RTN1: variants seen among roughly 807,000 people sequenced by gnomAD.
The protein encoded by RTN1 is reticulon 1, also known as reticulon-1.
In RTN1, 25 loss-of-function variants were observed where a neutral mutation model predicts 65.5. The ratio of observed to expected loss-of-function variants is 0.38; its 90% CI spans 0.28 to 0.53. RTN1 has a LOEUF of 0.53. Ranked by LOEUF, RTN1 falls within the 20% of genes least tolerant of loss-of-function variation. RTN1 has a pLI of 0.79. For missense variants in RTN1, 983 were observed against 1,025.4 expected, an observed-to-expected ratio of 0.96 and a Z score of 0.57; for synonymous variants, 471 against 447.6, an observed-to-expected ratio of 1.05 and a Z score of -0.66.
chr14:59,849,638 C>T lies in RTN1; in HGVS notation c.241+20752G>A, dbSNP rs1361564980. ...TGAGAAAGCTTTGGGTGGCCCTGTA[C>T]AGAACCCCAAGAATGGCTCCTACTC... is the stretch of plus-strand genomic sequence containing the variant. On this transcript the variant is annotated intron_variant, in intron 1 of 8. Coordinates refer to ENST00000267484, the MANE Select transcript of RTN1 (RefSeq NM_021136.3). This position sits in a 1 kb window ranked among gnomAD's most constrained non-coding sequence, Gnocchi z 4.5. Among the ~76,000 whole-genome samples the T allele has an allele frequency of 2.6e-5, 4 of 152,154 alleles. No individual in the cohort carries two copies. The highest frequency in any genetic ancestry group is 1.3e-4 in the Admixed American group (2 of 15,276).
At chr14:59,733,957 C>T (rs1884954400) in intron 2 of RTN1, among the ~76,000 whole-genome samples, 1 of 152,156 alleles carries the variant, frequency 6.6e-6, no homozygotes, top group South Asian at 2.1e-4. Flanking sequence ...CCAGGGTCTC[C>T]AGCCACCACC....
At chr14:59,689,112 A>T (rs147692056) in intron 3 of RTN1, among the ~76,000 whole-genome samples, 235 of 152,090 alleles carry the variant, frequency 1.5e-3, no homozygotes, top group African/African-American at 5.3e-3. Context: ...TAAATATCTT[A>T]AAAAAAACCA....
chr14:59,839,668 G>A (rs1312276631), intron 1 of RTN1, among the ~76,000 whole-genome samples: 9 of 152,068 alleles, frequency 5.9e-5, no homozygotes, highest in African/African-American at 4.8e-5. Context: ...TAAATCAAAA[G>A]TAATTCAAAA....
chr14:59,694,957 A>T (rs561007677), intron 3 of RTN1, among the ~76,000 whole-genome samples: 50 of 152,256 alleles, frequency 3.3e-4, no homozygotes, highest in African/African-American at 1.2e-3. Context: ...TGTGTAGGAA[A>T]AGTGGGCAGC....
chr14:59,668,844 A>G (rs1486247120), intron 3 of RTN1, among the ~76,000 whole-genome samples: 1 of 152,244 alleles, frequency 6.6e-6, no homozygotes, highest in African/African-American at 2.4e-5. Flanking sequence ...GCCAGTAGAC[A>G]CATGAAAAAA....
chr14:59,793,128 A>G (rs948469593), intron 1 of RTN1, among the ~76,000 whole-genome samples: 1 of 152,214 alleles, frequency 6.6e-6, no homozygotes, highest in Non-Finnish European at 1.5e-5. Context: ...AAATCTGAAG[A>G]ACATACATCA....
intron 1 of RTN1, among the ~76,000 whole-genome samples, chr14:59,785,991 G>A (rs968905632): frequency 1.3e-5 from 2 of 152,148 alleles, no homozygotes; most frequent in Admixed American, 6.6e-5. Flanking sequence ...AAGTCTCTGT[G>A]CTTTCTCATT....
Position 59,780,498 on chromosome 14 carries a change from C to T in RTN1, c.242-34017G>A, listed in dbSNP as rs368576788. 1.1e-4 allele frequency among the ~76,000 whole-genome samples: 17 copies of T among 152,170 alleles called. No homozygotes were observed. In the South Asian group the frequency reaches 2.3e-3, roughly 20 times the overall value. ...CATTACCTAATGGTGCCAACCATTC[C>T]GGAGGAAGTCAAAGCTGGTGGTTAT... On this transcript the variant is annotated intron_variant, in intron 1 of 8. Transcript: ENST00000267484.
intron 1 of RTN1, among the ~76,000 whole-genome samples, chr14:59,752,799 A>T (rs561225907): frequency 6.6e-6 from 1 of 152,240 alleles, no homozygotes. Flanking sequence ...AGAACAAGCT[A>T]TGACTAATTA....
Position 59,749,298 on chromosome 14 carries a change from CTATATATATCTATATATATATCTA to C in RTN1, c.242-2841_242-2818del, listed in dbSNP as rs1594720096. On this transcript the variant is annotated intron_variant, in intron 1 of 8. Coordinates refer to ENST00000267484, the MANE Select transcript of RTN1 (RefSeq NM_021136.3). ...TATATCTATATATATCTATATATAT[CTATATATATCTATATATATATCTA>C]TATATCTATATATATCTATATATAT... is the stretch of plus-strand genomic sequence containing the variant. Among the ~76,000 whole-genome samples, 2 of 26,686 alleles carry C rather than the reference CTATATATATCTATATATATATCTA, an allele frequency of 7.5e-5. 1 individual carries two copies. Among genetic ancestry groups the C allele is most frequent in the Non-Finnish European group, 1.1e-4 (2 of 17,664 alleles). The allele number at this position is 26,686 out of a possible 152,430, so 17.5% of individuals were successfully genotyped here. A position where few individuals can be genotyped will look rare whatever the true frequency, so the allele number is the denominator to read the frequency against.
At chr14:59,777,466 A>C (rs944838347) in intron 1 of RTN1, among the ~76,000 whole-genome samples, 4 of 152,176 alleles carry the variant, frequency 2.6e-5, no homozygotes, top group Non-Finnish European at 5.9e-5. Flanking sequence ...GTGTGTGCTG[A>C]TCATGAGTGG....
rs76293216 is a variant in RTN1 at position 59,751,251 on chromosome 14, A to T, written c.242-4770T>A. Among the ~76,000 whole-genome samples, 27 of 150,442 alleles carry T rather than the reference A, an allele frequency of 1.8e-4. No homozygotes were observed. In the East Asian group the frequency reaches 4.1e-3, roughly 23 times the overall value. On this transcript the variant is annotated intron_variant, in intron 1 of 8. Coordinates refer to ENST00000267484, the MANE Select transcript of RTN1 (RefSeq NM_021136.3). ...CCCCTCTTTTAAAGTTAGACCAAAA[A>T]ATCTCAGTAACAAAAGGAATAATAC...
intron 3 of RTN1, among the ~76,000 whole-genome samples, chr14:59,672,359 G>T (rs1048688102): frequency 6.6e-6 from 1 of 152,150 alleles, no homozygotes; most frequent in Non-Finnish European, 1.5e-5. Flanking sequence ...TGTTACTCCA[G>T]CTTGAACAAA....
intron 2 of RTN1, among the ~76,000 whole-genome samples, chr14:59,730,874 G>A (rs1884882392): frequency 6.6e-6 from 1 of 152,200 alleles, no homozygotes; most frequent in Non-Finnish European, 1.5e-5. Context: ...AAGATTTAGA[G>A]AAATTGGAAC....
At chr14:59,667,384 A>T (rs982272849) in intron 3 of RTN1, among the ~76,000 whole-genome samples, 2 of 152,212 alleles carry the variant, frequency 1.3e-5, no homozygotes, top group African/African-American at 4.8e-5. Flanking sequence ...ATAGGTGCAG[A>T]AAAGGCCTTT....
At chr14:59,767,079 A>T (rs1885863677) in intron 1 of RTN1, among the ~76,000 whole-genome samples, 1 of 152,186 alleles carries the variant, frequency 6.6e-6, no homozygotes, top group Admixed American at 6.5e-5. Context: ...AGCCTGCTAA[A>T]TTGTCCCCCA....
chr14:59,682,499 T>G (rs1241746699), intron 3 of RTN1, among the ~76,000 whole-genome samples: 1 of 152,172 alleles, frequency 6.6e-6, no homozygotes, highest in African/African-American at 2.4e-5. Flanking sequence ...AACTGACTCA[T>G]GGTCATCTTT....
At chr14:59,744,771 G>A (rs1395383670) in intron 2 of RTN1, among the ~76,000 whole-genome samples, 1 of 152,098 alleles carries the variant, frequency 6.6e-6, no homozygotes, top group African/African-American at 2.4e-5. Context: ...TAAGTGTACA[G>A]ACTTAGAGCT....
chr14:59,640,507 G>A lies in RTN1; in HGVS notation c.1766-33015C>T, dbSNP rs541515530. ...GATTTTTGTATTTTTAGTAGAGATGGGGTTTCACCATCTTGGCCAGGATGG... is the reference window on the plus strand; with the variant it reads ...GATTTTTGTATTTTTAGTAGAGATGAGGTTTCACCATCTTGGCCAGGATGG... On this transcript the variant is annotated intron_variant, in intron 3 of 8. Transcript: ENST00000267484. 1.9e-4 allele frequency among the ~76,000 whole-genome samples: 29 copies of A among 152,104 alleles called. No individual in the cohort carries two copies. In the South Asian group the frequency reaches 3.7e-3, roughly 20 times the overall value.
Sources: allele counts gnomAD v4.1 joint callset (sites outside exome capture counted in the v4.1 genomes callset), GRCh38; gene constraint gnomAD v4.1.1; non-coding constraint Gnocchi (gnomAD v3.1); transcripts MANE v1.5; gene names NCBI Gene and HGNC (gene_info 2026-07-23, HGNC 2026-07-21).